Variants in ZNF10 observed in about 807,000 individuals in gnomAD.
The protein encoded by ZNF10 is zinc finger protein 10 (KOX 1).
ZNF10 carries 8 observed loss-of-function variants against 12.2 expected under a neutral mutation model. That is an observed-to-expected ratio of 0.66 (90% confidence interval 0.39 to 1.18). The LOEUF is 1.18. Among genes scored for constraint, ZNF10 ranks in the 50% most tolerant of loss-of-function variants. The pLI is 0.01. For synonymous variants in ZNF10, 229 were observed against 228.2 expected, an observed-to-expected ratio of 1.00 and a Z score of -0.03; for missense variants, 603 against 678.9, an observed-to-expected ratio of 0.89 and a Z score of 1.24.
At chr12:133,133,608 T>C (rs963189507) in intron 1 of ZNF10, among the ~76,000 whole-genome samples, 29 of 152,174 alleles carry the variant, frequency 1.9e-4, no homozygotes, top group African/African-American at 6.0e-4. Context: ...CTCTCTGAGA[T>C]AGTGGGAAGG....
chr12:133,156,455 G>A lies in ZNF10; in HGVS notation c.1209G>A (p.Arg403=), dbSNP rs2135465967. ...ATCAGAGAACCCATGTGAGAGTGAG[G>A]CCCTATGAATGCAATGAATGTGGAA... ...ILHQRTHVRV[R]PYECNECGKS... is the part of the protein sequence containing the mutation. The change falls in exon 5 of 5, where the codon AGG becomes AGA. Residue 403 remains arginine, a synonymous_variant. Coordinates refer to ENST00000248211, the MANE Select transcript of ZNF10 (RefSeq NM_015394.5). The A allele has an allele frequency of 1.9e-6, 3 of 1,613,398 alleles. No homozygotes were observed. Among genetic ancestry groups the A allele is most frequent in the African/African-American group, 2.7e-5 (2 of 74,962 alleles).
intron 1 of ZNF10, among the ~76,000 whole-genome samples, chr12:133,133,915 T>A (rs7305560): frequency 0.6 from 91,079 of 151,904 alleles, 28,237 homozygotes; most frequent in African/African-American, 0.71. Context: ...AAATTTGCAG[T>A]TGTGATTCAA....
chr12:133,156,304 A>G lies in ZNF10; in HGVS notation c.1058A>G (p.Gln353Arg), dbSNP rs141541033. 2 of 1,614,158 alleles carry G rather than the reference A, an allele frequency of 1.2e-6. No individual in the cohort carries two copies. The highest frequency in any genetic ancestry group is 2.7e-5 in the African/African-American group (2 of 75,062). The change falls in exon 5 of 5, where the codon CAG becomes CGG. Residue 353 changes from glutamine to arginine, a missense_variant. This residue lies in a region of ZNF10 where 204 missense variants were observed against 262.8 expected (regional missense o/e 0.78). Coordinates refer to ENST00000248211, the MANE Select transcript of ZNF10 (RefSeq NM_015394.5). ...GGAGACAAACTGTACACATGTAATCAGTGTGGGAAATCTTTTGTTCATAGC... is the reference window on the plus strand; with the variant it reads ...GGAGACAAACTGTACACATGTAATCGGTGTGGGAAATCTTTTGTTCATAGC... ...HTGDKLYTCN[Q>R]CGKSFVHSSR... is the part of the protein sequence containing the mutation.
At chr12:133,136,225 A>G (rs1955910726) in intron 1 of ZNF10, among the ~76,000 whole-genome samples, 2 of 151,372 alleles carry the variant, frequency 1.3e-5, no homozygotes, top group South Asian at 2.1e-4. Context: ...TCCCTTGTCT[A>G]TTAATTGCTT....
At chr12:133,151,299 A>G in intron 3 of ZNF10, 145 bp downstream of exon 3, 1 of 835,836 alleles carries the variant, frequency 1.2e-6, no homozygotes, top group Non-Finnish European at 1.7e-6. Context: ...TTTTTACTCC[A>G]GCTTTTGTGG....
At chr12:133,145,501 T>C (rs1955970335) in intron 2 of ZNF10, among the ~76,000 whole-genome samples, 1 of 152,104 alleles carries the variant, frequency 6.6e-6, no homozygotes, top group South Asian at 2.1e-4. Flanking sequence ...AAATAAGCAT[T>C]ATCCAATCCA....
At chr12:133,140,119 C>T (rs915910568) in intron 1 of ZNF10, among the ~76,000 whole-genome samples, 4 of 144,962 alleles carry the variant, frequency 2.8e-5, no homozygotes, top group African/African-American at 1.0e-4. Context: ...GGGAGGATCA[C>T]TTGAGCCCAG....
intron 1 of ZNF10, among the ~76,000 whole-genome samples, chr12:133,131,681 A>G (rs1055318555): frequency 1.3e-5 from 2 of 152,286 alleles, no homozygotes; most frequent in East Asian, 1.9e-4. Flanking sequence ...ATTGTCCCCC[A>G]TCTTCCAAAG....
At chr12:133,148,814 G>A (rs1400023744) in intron 2 of ZNF10, among the ~76,000 whole-genome samples, 2 of 143,550 alleles carry the variant, frequency 1.4e-5, no homozygotes, top group South Asian at 2.3e-4. Context: ...GTGCAATGCC[G>A]ATATCTTGGC....
intron 2 of ZNF10, among the ~76,000 whole-genome samples, chr12:133,149,451 G>A (rs1239390323): frequency 6.9e-6 from 1 of 145,206 alleles, no homozygotes; most frequent in Admixed American, 7.1e-5. Context: ...TCTGGCTCCT[G>A]GGTTCAAGTG....
At chr12:133,132,511 T>C (rs1955886586) in intron 1 of ZNF10, among the ~76,000 whole-genome samples, 1 of 151,908 alleles carries the variant, frequency 6.6e-6, no homozygotes. Context: ...AGAGCGAAAC[T>C]CCGTCTCAAA....
intron 2 of ZNF10, among the ~76,000 whole-genome samples, chr12:133,148,750 G>GTTTTTTTTTTTTTTTTTTTTTTTT (rs201972025): frequency 1.5e-5 from 2 of 137,408 alleles, no homozygotes; most frequent in Non-Finnish European, 1.6e-5. Context: ...ATTCAATGTT[G>GTTTTTTTTTTTTTTTTTTTTTTTT]GTTTTTTTTT....
At chr12:133,154,234 C>T (rs1261409505) in intron 4 of ZNF10, among the ~76,000 whole-genome samples, 1 of 151,940 alleles carries the variant, frequency 6.6e-6, no homozygotes, top group Non-Finnish European at 1.5e-5. Flanking sequence ...TATGTTTTAC[C>T]TGAAAGACAT....
In ZNF10 at chr12:133,159,305, A is replaced by G. The variant is rs555744915; in HGVS notation, c.*2337A>G. ...TACACTAGCATAATATTTGTGGCAT[A>G]TCCGTGTAATGGAAGATTATGCAGG... On this transcript the variant is annotated 3_prime_UTR_variant, in exon 5 of 5. Transcript: ENST00000248211. 3 of 152,374 alleles carry G rather than the reference A, an allele frequency of 2.0e-5. No homozygotes were observed. Among genetic ancestry groups the G allele is most frequent in the African/African-American group, 7.2e-5 (3 of 41,598 alleles). The allele number at this position is 152,374 out of a possible 1,614,324, so 9.4% of individuals were successfully genotyped here. A position where few individuals can be genotyped will look rare whatever the true frequency, so the allele number is the denominator to read the frequency against.
chr12:133,147,176 C>G (rs1021304016), intron 2 of ZNF10, among the ~76,000 whole-genome samples: 1 of 152,118 alleles, frequency 6.6e-6, no homozygotes, highest in African/African-American at 2.4e-5. Context: ...TGAGTTTCTT[C>G]CAGTTTTTGC....
At chr12:133,145,193 T>C (rs1955968415) in intron 2 of ZNF10, among the ~76,000 whole-genome samples, 1 of 152,194 alleles carries the variant, frequency 6.6e-6, no homozygotes, top group Non-Finnish European at 1.5e-5. Context: ...GTTATTCGTT[T>C]ACAATTATAT....
intron 2 of ZNF10, among the ~76,000 whole-genome samples, chr12:133,149,426 C>T (rs1955995401): frequency 7.2e-6 from 1 of 139,400 alleles, no homozygotes. Context: ...GGTGTGATCA[C>T]AGCCCACTGT....
intron 2 of ZNF10, among the ~76,000 whole-genome samples, chr12:133,149,659 T>G (rs74362649): frequency 7.0e-6 from 1 of 143,222 alleles, no homozygotes; most frequent in Non-Finnish European, 1.5e-5. Flanking sequence ...ACCCGGTTGC[T>G]TTTTTTTTTT....
At chr12:133,146,862 A>G (rs956509188) in intron 2 of ZNF10, among the ~76,000 whole-genome samples, 2 of 151,678 alleles carry the variant, frequency 1.3e-5, no homozygotes, top group Admixed American at 6.6e-5. Flanking sequence ...AAAACAAAAC[A>G]CCAAGATACA....
Sources: allele counts gnomAD v4.1 joint callset (sites outside exome capture counted in the v4.1 genomes callset), GRCh38; gene constraint gnomAD v4.1.1; regional missense constraint gnomAD v4.1.1; transcripts MANE v1.5; gene names NCBI Gene and HGNC (gene_info 2026-07-23, HGNC 2026-07-21).